USP9X: variants seen among roughly 807,000 people sequenced by gnomAD.
The protein encoded by USP9X is ubiquitin carboxyl-terminal hydrolase 9X.
USP9X carries 7 observed loss-of-function variants against 190.3 expected under a neutral mutation model. The observed-to-expected ratio is 0.04, with a 90% CI of 0.02 to 0.07. USP9X has a LOEUF of 0.07. Ranked by LOEUF, USP9X falls within the 10% of genes least tolerant of loss-of-function variation. The probability of loss-of-function intolerance (pLI) is 1.00; values close to 1 mark genes in which losing one functional copy is unlikely to be tolerated. For synonymous variants in USP9X, 645 were observed against 659.5 expected, an observed-to-expected ratio of 0.98 and a Z score of 0.34; for missense variants, 1,010 against 1,916.9, an observed-to-expected ratio of 0.53 and a Z score of 8.83.
At chrX:41,194,613 A>T (rs140631580) in intron 26 of USP9X, among the ~76,000 whole-genome samples, 406 of 111,681 alleles carry the variant, frequency 3.6e-3, no homozygotes, top group Non-Finnish European at 5.8e-3. Context: ...ACAAAGACAG[A>T]AATGTAGTTA....
At chrX:41,165,565 C>T (rs1254245855) in intron 15 of USP9X, among the ~76,000 whole-genome samples, 1 of 111,769 alleles carries the variant, frequency 8.9e-6, no homozygotes, top group African/African-American at 3.3e-5. Flanking sequence ...AAACATGCTT[C>T]TTTCCAAAAG....
intron 14 of USP9X, among the ~76,000 whole-genome samples, chrX:41,160,362 T>C (rs145989434): frequency 0.021 from 2,300 of 109,739 alleles, 60 homozygotes; most frequent in African/African-American, 0.07. Flanking sequence ...CTTGGAAGCT[T>C]CTCTGTAGTA....
chrX:41,125,793 A>G (rs139774962), intron 2 of USP9X, among the ~76,000 whole-genome samples: 2,263 of 100,806 alleles, frequency 0.022, 60 homozygotes, highest in African/African-American at 0.077. Flanking sequence ...TCTTTTTCTC[A>G]TTTCTTGAAA....
At chrX:41,134,422 A>G (rs1190012418) in intron 4 of USP9X, among the ~76,000 whole-genome samples, 1 of 112,346 alleles carries the variant, frequency 8.9e-6, no homozygotes. Flanking sequence ...ACAAAATAAG[A>G]TTTTAAAAAT....
At position 41,191,427 on chromosome X, in the gene USP9X, T is replaced by G. The variant is rs192747455; in HGVS notation, c.3977+1952T>G. Reference sequence around the variant, plus strand: ...GCTGTGTACAAATCTGCCCCTCAGATGGAGTTTATAATCCTATAGTAACGT... The same window carrying G: ...GCTGTGTACAAATCTGCCCCTCAGAGGGAGTTTATAATCCTATAGTAACGT... On this transcript the variant is annotated intron_variant, in intron 26 of 44. Coordinates refer to ENST00000378308, the MANE Select transcript of USP9X (RefSeq NM_001039591.3). Among the ~76,000 whole-genome samples, 326 of 111,295 alleles carry G rather than the reference T, an allele frequency of 2.9e-3. 2 individuals carry two copies. Among genetic ancestry groups the G allele is most frequent in the African/African-American group, 0.01 (310 of 30,570 alleles).
At chrX:41,171,465 A>G (rs1362322568) in intron 20 of USP9X, among the ~76,000 whole-genome samples, 1 of 112,457 alleles carries the variant, frequency 8.9e-6, no homozygotes, top group African/African-American at 3.2e-5. Flanking sequence ...AGAAATTTTA[A>G]TGGTTACAAT....
chrX:41,197,333 C>CCG, intron 28 of USP9X, 31 bp from the exon 29 acceptor site: 1 of 266,152 alleles, frequency 3.8e-6, no homozygotes, highest in Non-Finnish European at 5.8e-6. Context: ...TGATTTCTTC[C>CCG]CCCCCCCACC....
chrX:41,094,207 A>G (rs1270606038), intron 1 of USP9X, among the ~76,000 whole-genome samples: 2 of 101,791 alleles, frequency 2.0e-5, no homozygotes, highest in Admixed American at 2.2e-4. Flanking sequence ...ATGGAGTTTC[A>G]CTCTTGTTGC....
At chrX:41,197,327 T>G in intron 28 of USP9X, 37 bp from the exon 29 acceptor site, 1 of 871,254 alleles carries the variant, frequency 1.1e-6, no homozygotes, top group African/African-American at 2.0e-5. Flanking sequence ...GACATTTGAT[T>G]TCTTCCCCCC....
intron 39 of USP9X, 106 bp from the exon 40 acceptor site, chrX:41,224,636 A>AG (rs2063296865): frequency 2.8e-6 from 2 of 706,564 alleles, no homozygotes; most frequent in Non-Finnish European, 4.1e-6. Context: ...ACTCCATCTT[A>AG]AAAAAAATAA....
chrX:41,119,132 G>A lies in USP9X; in HGVS notation c.-158-4339G>A, dbSNP rs747369847. The stretch of plus-strand genomic sequence containing the variant: ...AATTAATCTTGAAGCCCATCCCTAC[G>A]TCTCGATTAAGACCTTCTGGCTTAA... On this transcript the variant is annotated intron_variant, in intron 1 of 44. Coordinates refer to ENST00000378308, the MANE Select transcript of USP9X (RefSeq NM_001039591.3). Among the ~76,000 whole-genome samples, 25 of 111,770 alleles carry A rather than the reference G, an allele frequency of 2.2e-4. No individual in the cohort carries two copies. The East Asian group carries it at 3.1e-3, about 14-fold the overall frequency.
Position 41,218,361 on chromosome X carries a change from T to C in USP9X, c.6210-11T>C. 8.3e-7 allele frequency: 1 copy of C among 1,207,291 alleles called. No homozygotes were observed. The highest frequency in any genetic ancestry group is 1.1e-6 in the Non-Finnish European group (1 of 892,959). On this transcript the variant is annotated splice_polypyrimidine_tract_variant and intron_variant, in intron 36 of 44. Transcript: ENST00000378308. ...GACTTAATAGTCATAGGTTTTTTTG[T>C]TTTATTTTAGGTATGATGCATTGTG...
At position 41,148,423 on chromosome X, in the gene USP9X, C is replaced by T; in HGVS notation, c.1474C>T (p.Arg492Cys). The T allele has an allele frequency of 8.3e-7, 1 of 1,211,521 alleles. No individual in the cohort carries two copies. The highest frequency in any genetic ancestry group is 1.7e-5 in the African/African-American group (1 of 57,689). The change falls in exon 12 of 45, where the codon CGT (arginine) becomes TGT (cysteine). Residue 492 changes from arginine (R) to cysteine (C), a missense_variant. Coordinates refer to ENST00000378308, the MANE Select transcript of USP9X (RefSeq NM_001039591.3). ...KQREKLLELI[R>C]RLAEDDKDGV... ...ACGTGAAAAGCTACTTGAGCTGATACGTCGTCTTGCAGAAGATGATAAAGA... is the reference window on the plus strand; with the variant it reads ...ACGTGAAAAGCTACTTGAGCTGATATGTCGTCTTGCAGAAGATGATAAAGA...
rs967767427 is a variant in USP9X at position 41,131,742 on chromosome X, G to A, written c.322+206G>A. 2.7e-5 allele frequency among the ~76,000 whole-genome samples: 3 copies of A among 111,541 alleles called. No homozygotes were observed. The Admixed American group carries it at 2.9e-4, about 11-fold the overall frequency. On this transcript the variant is annotated intron_variant, in intron 4 of 44. Transcript: ENST00000378308. ...ATAAAATTTATATTTGTATTTCTACGGAGTGGATTCATTGTTTCGTCAGAT... is the reference window on the plus strand; with the variant it reads ...ATAAAATTTATATTTGTATTTCTACAGAGTGGATTCATTGTTTCGTCAGAT...
At chrX:41,100,907 A>G (rs1454053195) in intron 1 of USP9X, among the ~76,000 whole-genome samples, 1 of 110,703 alleles carries the variant, frequency 9.0e-6, no homozygotes, top group Non-Finnish European at 1.9e-5. Flanking sequence ...TCAGCCTCCC[A>G]AAGTGCTGGG....
chrX:41,170,170 G>A lies in USP9X; in HGVS notation c.2812G>A (p.Gly938Ser). ...AHTKIELFVGGELIDPADDRK... is the reference protein window; with the variant it reads ...AHTKIELFVGSELIDPADDRK... ...TACAAAAATTGAGCTCTTTGTGGGC[G>A]GTGAGCTGATAGATCCTGCAGATGA... The change falls in exon 19 of 45, where the codon GGT becomes AGT. Residue 938 changes from glycine to serine, a missense_variant. Physicochemically the swap from Gly to Ser is moderately conservative, Grantham distance 56. This residue lies in a region of USP9X where 351 missense variants were observed against 480.8 expected (regional missense o/e 0.73). Coordinates refer to ENST00000378308, the MANE Select transcript of USP9X (RefSeq NM_001039591.3). 8.3e-7 allele frequency: 1 copy of A among 1,211,121 alleles called. No homozygotes were observed. Among genetic ancestry groups the A allele is most frequent in the Non-Finnish European group, 1.1e-6 (1 of 895,065 alleles).
chrX:41,155,798 C>T (rs768520959), intron 14 of USP9X, among the ~76,000 whole-genome samples: 7 of 111,852 alleles, frequency 6.3e-5, no homozygotes, highest in Non-Finnish European at 1.1e-4. Flanking sequence ...TTTGTACCTT[C>T]TTGGAGAAAC....
intron 25 of USP9X, among the ~76,000 whole-genome samples, chrX:41,188,655 C>A (rs758411224): frequency 1.8e-5 from 2 of 111,732 alleles, no homozygotes; most frequent in Non-Finnish European, 1.9e-5. Flanking sequence ...GTTACAGGAA[C>A]TTCCCTGACT....
chrX:41,169,224 C>T (rs1376917971), intron 18 of USP9X, among the ~76,000 whole-genome samples: 4 of 109,233 alleles, frequency 3.7e-5, no homozygotes, highest in Non-Finnish European at 7.6e-5. Context: ...ATCTTCTTTG[C>T]TTGGCCTCCC....
Sources: allele counts gnomAD v4.1 joint callset (sites outside exome capture counted in the v4.1 genomes callset), GRCh38; gene constraint gnomAD v4.1.1; regional missense constraint gnomAD v4.1.1; transcripts MANE v1.5; gene names NCBI Gene and HGNC (gene_info 2026-07-23, HGNC 2026-07-21).